The following ATG5 variants were observed in gnomAD, a reference collection of about 807,000 sequenced individuals.
ATG5 encodes the protein autophagy protein 5.
ATG5 carries 14 observed loss-of-function variants against 36.5 expected under a neutral mutation model. The ratio of observed to expected loss-of-function variants is 0.38; its 90% CI spans 0.25 to 0.60. The LOEUF (loss-of-function observed/expected upper bound fraction) is 0.60, where lower values mean the gene tolerates loss of function less well. ATG5 is among the 20% of genes least tolerant of loss of function. ATG5 has a pLI of 0.60. For missense variants in ATG5, 195 were observed against 326.7 expected (o/e 0.60, Z 3.11); for synonymous variants, 95 against 101.5 (o/e 0.94, Z 0.38).
intron 3 of ATG5, among the ~76,000 whole-genome samples, chr6:106,301,556 C>T (rs1770208176): frequency 6.6e-6 from 1 of 151,962 alleles, no homozygotes. Flanking sequence ...TAGATTCATT[C>T]ATTCATTCAT....
At chr6:106,193,495 T>C (rs1776051167) in intron 7 of ATG5, among the ~76,000 whole-genome samples, 1 of 152,112 alleles carries the variant, frequency 6.6e-6, no homozygotes, top group African/African-American at 2.4e-5. Context: ...TTAAATAATA[T>C]AAAAAATCCC....
intron 5 of ATG5, among the ~76,000 whole-genome samples, chr6:106,269,440 G>T (rs954937469): frequency 1.3e-5 from 2 of 152,252 alleles, no homozygotes; most frequent in Non-Finnish European, 2.9e-5. Context: ...ATGGGACTGG[G>T]CGCCGTGGAG....
chr6:106,289,953 G>T (rs763794297), intron 4 of ATG5, among the ~76,000 whole-genome samples: 7 of 152,022 alleles, frequency 4.6e-5, no homozygotes, highest in Non-Finnish European at 7.4e-5. Flanking sequence ...TTTAAAAGAA[G>T]TATTTTAATA....
At chr6:106,297,458 A>AT in intron 3 of ATG5, among the ~76,000 whole-genome samples, 1 of 152,268 alleles carries the variant, frequency 6.6e-6, no homozygotes. Flanking sequence ...TTCTTCAAGT[A>AT]TTATTAACAC....
At chr6:106,232,067 C>CT (rs1236587606) in intron 6 of ATG5, among the ~76,000 whole-genome samples, 8 of 152,212 alleles carry the variant, frequency 5.3e-5, no homozygotes, top group Non-Finnish European at 1.0e-4. Context: ...GACGTAGGTC[C>CT]TCTGAGTCAG....
At chr6:106,219,777 TTA>T (rs754849416) in intron 6 of ATG5, among the ~76,000 whole-genome samples, 204 of 152,302 alleles carry the variant, frequency 1.3e-3, no homozygotes, top group Non-Finnish European at 2.4e-3. Context: ...TAGTATAATT[TTA>T]TGTTGTTCAC....
intron 5 of ATG5, among the ~76,000 whole-genome samples, chr6:106,267,900 T>C (rs1779286620): frequency 6.6e-6 from 1 of 152,108 alleles, no homozygotes; most frequent in Admixed American, 6.6e-5. Flanking sequence ...CAAGAAAACA[T>C]AGGTAATACC....
chr6:106,194,829 A>G (rs2114327062), intron 7 of ATG5, among the ~76,000 whole-genome samples: 1 of 152,330 alleles, frequency 6.6e-6, no homozygotes, highest in East Asian at 1.9e-4. Context: ...AGACTGGGAA[A>G]TGAAGTATAA....
intron 7 of ATG5, among the ~76,000 whole-genome samples, chr6:106,199,712 G>C (rs1222558749): frequency 1.3e-5 from 2 of 152,148 alleles, no homozygotes; most frequent in Non-Finnish European, 2.9e-5. Context: ...AAATTACACA[G>C]TAGTAAAGAT....
intron 4 of ATG5, among the ~76,000 whole-genome samples, chr6:106,282,893 C>T (rs567843167): frequency 9.5e-4 from 145 of 152,160 alleles, no homozygotes; most frequent in African/African-American, 3.3e-3. Flanking sequence ...CCCAAGCGAT[C>T]CTCCCAATTC....
chr6:106,323,096 T>G (rs768944196), intron 1 of ATG5, among the ~76,000 whole-genome samples: 20 of 151,492 alleles, frequency 1.3e-4, no homozygotes, highest in Non-Finnish European at 2.1e-4. Flanking sequence ...GTTTTTTTTG[T>G]TTGTTTGTTT....
intron 5 of ATG5, 63 bp from the exon 6 acceptor site, chr6:106,248,307 G>T: frequency 8.2e-7 from 1 of 1,214,000 alleles, no homozygotes; most frequent in Non-Finnish European, 1.2e-6. Context: ...TACCTCACAT[G>T]AAGAGATGAA....
chr6:106,253,666 C>G (rs1295307556), intron 5 of ATG5, among the ~76,000 whole-genome samples: 1 of 152,126 alleles, frequency 6.6e-6, no homozygotes, highest in Non-Finnish European at 1.5e-5. Flanking sequence ...GGTCACTGTC[C>G]TATGTTTATC....
chr6:106,214,566 C>T (rs1267980607), intron 6 of ATG5, among the ~76,000 whole-genome samples: 2 of 152,130 alleles, frequency 1.3e-5, no homozygotes, highest in Non-Finnish European at 2.9e-5. Context: ...AAGCATCCAT[C>T]AGAATTATAT....
intron 5 of ATG5, 67 bp downstream of exon 5, chr6:106,279,594 T>C: frequency 2.4e-6 from 3 of 1,267,182 alleles, no homozygotes; most frequent in Non-Finnish European, 3.1e-6. Flanking sequence ...TATCAACTAC[T>C]CACAGGGTTA....
chr6:106,226,260 A>G (rs1406286388), intron 6 of ATG5, among the ~76,000 whole-genome samples: 2 of 152,222 alleles, frequency 1.3e-5, no homozygotes, highest in East Asian at 3.8e-4. Context: ...TAAAAACCTG[A>G]AAGAATTAGT....
intron 2 of ATG5, among the ~76,000 whole-genome samples, chr6:106,311,990 C>T (rs575380038): frequency 6.6e-6 from 1 of 152,198 alleles, no homozygotes; most frequent in South Asian, 2.1e-4. Flanking sequence ...ACCACCACAC[C>T]GGGCTAATTT....
At chr6:106,303,801 A>G (rs1770307888) in intron 3 of ATG5, among the ~76,000 whole-genome samples, 1 of 152,194 alleles carries the variant, frequency 6.6e-6, no homozygotes, top group Non-Finnish European at 1.5e-5. Context: ...TAAGGAAGAA[A>G]AGTGATACAA....
chr6:106,228,413 C>T (rs1217909996), intron 6 of ATG5, among the ~76,000 whole-genome samples: 2 of 152,114 alleles, frequency 1.3e-5, no homozygotes, highest in Non-Finnish European at 2.9e-5. Flanking sequence ...GCTAAGTGCC[C>T]GGGTTCATCC....
Sources: allele counts gnomAD v4.1 joint callset (sites outside exome capture counted in the v4.1 genomes callset), GRCh38; gene constraint gnomAD v4.1.1; transcripts MANE v1.5; gene names NCBI Gene and HGNC (gene_info 2026-07-23, HGNC 2026-07-21).